NPIPB2: variants seen among roughly 807,000 people sequenced by gnomAD.
NPIPB2 encodes the protein nuclear pore complex-interacting protein family member B2.
NPIPB2 carries 27 observed loss-of-function variants against 30.8 expected under a neutral mutation model. The observed-to-expected ratio is 0.88, with a 90% CI of 0.65 to 1.21. NPIPB2 has a LOEUF of 1.21. Ranked by LOEUF, NPIPB2 falls within the 50% of genes most tolerant of loss-of-function variation. NPIPB2 has a pLI of 0.00. For missense variants in NPIPB2, 440 were observed against 446.2 expected (o/e 0.99, Z 0.13); for synonymous variants, 147 against 162.0 (o/e 0.91, Z 0.70).
chr16:11,938,083 A>T (rs1352244981), intron 1 of NPIPB2, among the ~76,000 whole-genome samples: 1 of 148,784 alleles, frequency 6.7e-6, no homozygotes, highest in African/African-American at 2.5e-5. Flanking sequence ...CAGTGGTGCA[A>T]TCTCGGCTCA....
chr16:11,976,612 G>C (rs897699550), exon 1 of NPIPB2: 17 of 369,032 alleles, frequency 4.6e-5, no homozygotes, highest in East Asian at 8.2e-5. Context: ...TCTCCACACC[G>C]GGTCCGGCGA....
intron 1 of NPIPB2, among the ~76,000 whole-genome samples, chr16:11,950,924 A>G (rs948906571): frequency 6.6e-6 from 1 of 152,120 alleles, no homozygotes; most frequent in East Asian, 1.9e-4. Context: ...TGGCTTGGCT[A>G]ACACTCTTCT....
At chr16:11,943,653 G>C (rs1346729946), upstream of NPIPB2, among the ~76,000 whole-genome samples, 1 of 151,372 alleles carries the variant, frequency 6.6e-6, no homozygotes, top group Non-Finnish European at 1.5e-5. Context: ...AGTGAGCTGA[G>C]ATCGCGCCAT....
In NPIPB2 at chr16:11,937,534, A is replaced by C. The variant is rs1390038114; in HGVS notation, c.192+6T>G. ...GTATACCTCTACAGAAAGTTAGTAC[A>C]CTCACCCAAAGGTAAACTGTCCAGA... On this transcript the variant is annotated splice_donor_region_variant and intron_variant, in intron 2 of 7. Transcript: ENST00000399147. The C allele has an allele frequency of 1.9e-6, 3 of 1,548,734 alleles. No individual in the cohort carries two copies. Among genetic ancestry groups the C allele is most frequent in the South Asian group, 1.1e-5 (1 of 89,694 alleles).
chr16:11,931,280 G>T (rs2054787256), intron 4 of NPIPB2, among the ~76,000 whole-genome samples: 1 of 134,970 alleles, frequency 7.4e-6, no homozygotes, highest in Non-Finnish European at 1.6e-5. Context: ...CTTTAACAAG[G>T]TTCAGTTCAC....
chr16:11,964,687 T>A (rs1326597051), intron 1 of NPIPB2, among the ~76,000 whole-genome samples: 1 of 152,202 alleles, frequency 6.6e-6, no homozygotes, highest in Non-Finnish European at 1.5e-5. Flanking sequence ...AGTGCTGGGA[T>A]TACAGGAGAG....
chr16:11,934,732 G>A (rs1308134605), intron 2 of NPIPB2, among the ~76,000 whole-genome samples: 5 of 147,850 alleles, frequency 3.4e-5, no homozygotes, highest in Admixed American at 6.8e-5. Flanking sequence ...GGTGATGCAC[G>A]CCTGTAGCCC....
intron 1 of NPIPB2, among the ~76,000 whole-genome samples, chr16:11,958,389 C>T (rs114315867): frequency 0.012 from 1,797 of 150,580 alleles, 36 homozygotes; most frequent in African/African-American, 0.042. Flanking sequence ...GATCACGCCA[C>T]TACAGTCCAG....
At chr16:11,966,671 A>T (rs947628477) in intron 1 of NPIPB2, among the ~76,000 whole-genome samples, 4 of 152,182 alleles carry the variant, frequency 2.6e-5, no homozygotes, top group Admixed American at 6.6e-5. Context: ...AGAAACTCCT[A>T]GCCAGGTCTG....
intron 1 of NPIPB2, among the ~76,000 whole-genome samples, chr16:11,952,050 T>C (rs868833426): frequency 6.6e-6 from 1 of 151,424 alleles, no homozygotes; most frequent in Non-Finnish European, 1.5e-5. Flanking sequence ...TCCCAGCTAC[T>C]TGGGAGGCTG....
upstream of NPIPB2, among the ~76,000 whole-genome samples, chr16:11,942,816 C>G (rs898355771): frequency 9.2e-5 from 14 of 152,118 alleles, no homozygotes; most frequent in African/African-American, 3.4e-4. Flanking sequence ...CTGTCCTCAG[C>G]TAAACTTCCC....
At chr16:11,955,358 A>AG (rs1180566612) in intron 1 of NPIPB2, among the ~76,000 whole-genome samples, 7 of 150,898 alleles carry the variant, frequency 4.6e-5, no homozygotes, top group African/African-American at 1.7e-4. Flanking sequence ...TGTGTCAAAA[A>AG]AAAAAAAAAA....
At chr16:11,938,069 A>G (rs978459410) in intron 1 of NPIPB2, among the ~76,000 whole-genome samples, 1 of 152,234 alleles carries the variant, frequency 6.6e-6, no homozygotes, top group Non-Finnish European at 1.5e-5. Context: ...CCCAGGCTGG[A>G]GTGCAGTGGT....
intron 1 of NPIPB2, among the ~76,000 whole-genome samples, chr16:11,948,017 C>A (rs1375986222): frequency 6.7e-6 from 1 of 148,486 alleles, no homozygotes; most frequent in Non-Finnish European, 1.5e-5. Flanking sequence ...AGATACAGAC[C>A]CCTCCCCCTG....
At chr16:11,940,804 C>A in intron 1 of NPIPB2, among the ~76,000 whole-genome samples, 1 of 124,420 alleles carries the variant, frequency 8.0e-6, no homozygotes. Context: ...CCAGATGACA[C>A]AAATCAAATG....
intron 1 of NPIPB2, among the ~76,000 whole-genome samples, chr16:11,975,575 C>T (rs1026711635): frequency 2.0e-5 from 3 of 151,740 alleles, no homozygotes; most frequent in African/African-American, 7.3e-5. Context: ...TCATTCTCAT[C>T]CCAGGAAGAG....
chr16:11,967,242 T>A, intron 1 of NPIPB2: 1 of 256,642 alleles, frequency 3.9e-6, no homozygotes, highest in Non-Finnish European at 7.6e-6. Flanking sequence ...CCACAAGTGA[T>A]CTGCCCGCCT....
chr16:11,946,879 C>T (rs897779138), upstream of NPIPB2, among the ~76,000 whole-genome samples: 3 of 151,528 alleles, frequency 2.0e-5, no homozygotes, highest in East Asian at 5.8e-4. Context: ...GCCACCACAC[C>T]CGGCTAATTT....
chr16:11,948,082 A>G lies in NPIPB2; in HGVS notation c.-583-5968T>C, dbSNP rs550400608. On this transcript the variant is annotated intron_variant, in intron 1 of 5. Coordinates refer to the NPIPB2 transcript ENST00000538896. The stretch of plus-strand genomic sequence containing the variant: ...CTCCTACTTCTCTGCCCACTATGGC[A>G]AAGGGAGGCAGAGTGGGGGTGGGAA... Among the ~76,000 whole-genome samples the G allele has an allele frequency of 7.3e-5, 11 of 150,684 alleles. No homozygotes were observed. In the East Asian group the frequency reaches 2.0e-3, roughly 27 times the overall value.
Sources: gnomAD v4.1 joint callset for allele counts (sites outside exome capture counted in the v4.1 genomes callset) on GRCh38, gnomAD v4.1.1 for gene constraint, MANE v1.5 for transcripts, NCBI Gene and HGNC (gene_info 2026-07-23, HGNC 2026-07-21) for gene names.